The following DLG2 variants were observed in gnomAD, a reference collection of about 807,000 sequenced individuals.
DLG2 encodes disks large homolog 2.
A neutral mutation model predicts 132.5 loss-of-function variants in DLG2; 45 were observed. The observed-to-expected ratio is 0.34, with a 90% CI of 0.27 to 0.44. The LOEUF (loss-of-function observed/expected upper bound fraction) is 0.44, where lower values mean the gene tolerates loss of function less well. Among genes scored for constraint, DLG2 ranks in the 20% least tolerant of loss-of-function variants. The pLI is 1.00. For synonymous variants in DLG2, 424 were observed against 419.6 expected, an observed-to-expected ratio of 1.01 and a Z score of -0.13; for missense variants, 1,045 against 1,196.9, an observed-to-expected ratio of 0.87 and a Z score of 1.87.
chr11:83,828,329 G>A (rs1396701131), intron 17 of DLG2, among the ~76,000 whole-genome samples: 2 of 152,136 alleles, frequency 1.3e-5, no homozygotes, highest in Non-Finnish European at 2.9e-5. Flanking sequence ...GAAGGCAGAG[G>A]TTGCAGTGAG....
chr11:84,263,877 G>A (rs2097578241), intron 7 of DLG2, among the ~76,000 whole-genome samples: 1 of 152,188 alleles, frequency 6.6e-6, no homozygotes, highest in African/African-American at 2.4e-5. Context: ...ATGTGCTTAT[G>A]TTTATGGTGG....
chr11:85,272,215 C>T (rs2077578756), intron 4 of DLG2, among the ~76,000 whole-genome samples: 1 of 152,138 alleles, frequency 6.6e-6, no homozygotes, highest in African/African-American at 2.4e-5. Flanking sequence ...CTTCTCTTGC[C>T]TCCCACCATG....
intron 11 of DLG2, among the ~76,000 whole-genome samples, chr11:84,058,005 C>T (rs183125719): frequency 1.4e-4 from 21 of 152,200 alleles, no homozygotes; most frequent in African/African-American, 4.6e-4. Flanking sequence ...ATTGATGCTA[C>T]CATTATGATC....
intron 6 of DLG2, among the ~76,000 whole-genome samples, chr11:84,998,720 A>T (rs183506843): frequency 2.0e-5 from 3 of 152,068 alleles, no homozygotes; most frequent in East Asian, 3.9e-4. Flanking sequence ...TATAATTTTC[A>T]TGTTGCCTCC....
chr11:85,405,271 T>C (rs916474126), intron 3 of DLG2, among the ~76,000 whole-genome samples: 3 of 151,962 alleles, frequency 2.0e-5, no homozygotes, highest in Admixed American at 2.0e-4. Context: ...GCCTAACTTG[T>C]ATGAAGAAAA....
intron 17 of DLG2, among the ~76,000 whole-genome samples, chr11:83,806,556 T>A (rs1306924710): frequency 2.0e-5 from 3 of 152,178 alleles, no homozygotes; most frequent in Non-Finnish European, 4.4e-5. Context: ...GTTCTGTGAT[T>A]TGCTTTCTTT....
chr11:85,545,527 CT>C (rs1353282291), intron 3 of DLG2, among the ~76,000 whole-genome samples: 1 of 152,146 alleles, frequency 6.6e-6, no homozygotes, highest in African/African-American at 2.4e-5. Flanking sequence ...TGGATTCCCT[CT>C]TTTTCTATTG....
chr11:84,064,639 A>G (rs191853920), intron 10 of DLG2, among the ~76,000 whole-genome samples: 61 of 152,354 alleles, frequency 4.0e-4, no homozygotes, highest in African/African-American at 1.5e-3. Flanking sequence ...CAAAAATGTT[A>G]GCTATCATTA....
intron 7 of DLG2, among the ~76,000 whole-genome samples, chr11:84,262,305 A>G (rs543513671): frequency 1.3e-5 from 2 of 152,230 alleles, no homozygotes; most frequent in East Asian, 3.9e-4. Context: ...TTATTATTCC[A>G]CTGTACATTT....
At chr11:84,653,552 A>G (rs1039013947) in intron 6 of DLG2, among the ~76,000 whole-genome samples, 9 of 152,100 alleles carry the variant, frequency 5.9e-5, no homozygotes, top group Admixed American at 6.5e-5. Flanking sequence ...ACTTCTTCAG[A>G]TAGTCTCTTA....
At chr11:85,600,216 C>T (rs1383903511) in intron 2 of DLG2, among the ~76,000 whole-genome samples, 2 of 152,164 alleles carry the variant, frequency 1.3e-5, no homozygotes, top group South Asian at 2.1e-4. Context: ...CAACTCCTCT[C>T]TTGAGCACTG....
chr11:83,586,614 T>C (rs772809441), intron 19 of DLG2, among the ~76,000 whole-genome samples: 10 of 152,244 alleles, frequency 6.6e-5, no homozygotes, highest in Middle Eastern at 3.2e-3. Context: ...CCAGTATTTA[T>C]TGAGTGCCAC....
intron 7 of DLG2, among the ~76,000 whole-genome samples, chr11:84,289,754 T>C (rs1168629526): frequency 1.3e-5 from 2 of 152,124 alleles, no homozygotes; most frequent in African/African-American, 2.4e-5. Context: ...GTGGGAGAAA[T>C]AGTTCTGAAA....
chr11:84,589,690 T>G (rs978643105), intron 6 of DLG2, among the ~76,000 whole-genome samples: 15 of 152,224 alleles, frequency 9.9e-5, no homozygotes, highest in Non-Finnish European at 2.1e-4. Flanking sequence ...TAATTATATA[T>G]TTACCTGTCC....
intron 6 of DLG2, among the ~76,000 whole-genome samples, chr11:85,104,034 G>T (rs1488141480): frequency 6.6e-6 from 1 of 151,906 alleles, no homozygotes; most frequent in Non-Finnish European, 1.5e-5. Flanking sequence ...TATTAGGATT[G>T]TTATAATACA....
chr11:83,610,830 G>A (rs529805258), intron 19 of DLG2, among the ~76,000 whole-genome samples: 1 of 152,236 alleles, frequency 6.6e-6, no homozygotes, highest in South Asian at 2.1e-4. Context: ...AATAGAAAGA[G>A]GAGAAAACTG....
intron 6 of DLG2, among the ~76,000 whole-genome samples, chr11:84,715,356 T>TAA (rs2061095849): frequency 6.6e-6 from 1 of 152,096 alleles, no homozygotes; most frequent in African/African-American, 2.4e-5. Flanking sequence ...TTATCTGTGT[T>TAA]ACACTCTGTG....
intron 6 of DLG2, among the ~76,000 whole-genome samples, chr11:85,086,926 G>A (rs935495761): frequency 2.6e-5 from 4 of 152,126 alleles, no homozygotes; most frequent in Non-Finnish European, 4.4e-5. Context: ...AACATAATAC[G>A]AAAGCTTAGT....
chr11:84,515,311 ACACACC>A (rs1048961660), intron 7 of DLG2, among the ~76,000 whole-genome samples: 13 of 150,362 alleles, frequency 8.6e-5, no homozygotes, highest in African/African-American at 2.7e-4. Context: ...ACACACACAC[ACACACC>A]CCAAATATAT....
Sources: allele counts gnomAD v4.1 joint callset (sites outside exome capture counted in the v4.1 genomes callset), GRCh38; gene constraint gnomAD v4.1.1; transcripts MANE v1.5; gene names NCBI Gene and HGNC (gene_info 2026-07-23, HGNC 2026-07-21).